The following ZNF511 variants were observed in gnomAD, a reference collection of about 807,000 sequenced individuals.
ZNF511 encodes the protein zinc finger protein 511.
ZNF511 carries 26 observed loss-of-function variants against 24.8 expected under a neutral mutation model. The observed-to-expected ratio is 1.05, with a 90% CI of 0.77 to 1.46. ZNF511 has a LOEUF of 1.46. Among genes scored for constraint, ZNF511 ranks in the 40% most tolerant of loss-of-function variants. The pLI, the probability that ZNF511 is intolerant of heterozygous loss-of-function variation, is 0.00. For missense variants in ZNF511, 358 were observed against 345.0 expected (o/e 1.04, Z -0.30); for synonymous variants, 144 against 139.6 (o/e 1.03, Z -0.22).
rs755769952 is a variant in ZNF511 at position 133,309,375 on chromosome 10, G to C, written c.154-15G>C. Reference sequence around the variant, plus strand: ...CGAGTCACCTGGCCCCGCCCACGGCGCACTTTTCCTGCAGGATGGGGACGT... The same window carrying C: ...CGAGTCACCTGGCCCCGCCCACGGCCCACTTTTCCTGCAGGATGGGGACGT... On this transcript the variant is annotated splice_polypyrimidine_tract_variant and intron_variant, in intron 1 of 5. Coordinates refer to ENST00000361518, the MANE Select transcript of ZNF511 (RefSeq NM_145806.4). The C allele has an allele frequency of 2.7e-5, 43 of 1,609,102 alleles. No individual in the cohort carries two copies. The highest frequency in any genetic ancestry group is 3.6e-5 in the Non-Finnish European group (42 of 1,178,660).
chr10:133,309,493 C>T (rs1392220258), intron 2 of ZNF511, 30 bp downstream of exon 2: 1 of 1,602,334 alleles, frequency 6.2e-7, no homozygotes, highest in East Asian at 2.3e-5. Context: ...CTAGCCAGTG[C>T]TACTCCTGCG....
rs1847915537 is a variant in ZNF511 at position 133,309,053 on chromosome 10, T to G, written c.110T>G (p.Val37Gly). The G allele has an allele frequency of 7.8e-7, 1 of 1,283,194 alleles. No individual in the cohort carries two copies. The highest frequency in any genetic ancestry group is 9.9e-7 in the Non-Finnish European group (1 of 1,009,912). 79.5% of individuals were successfully genotyped at this position (1,283,194 alleles called of 1,614,324 possible). ...PAAGAAPFRFVARPVRFPREH... is the reference protein window; with the variant it reads ...PAAGAAPFRFGARPVRFPREH... ...GCTGGGGCCGCGCCCTTTCGCTTCG[T>G]TGCGCGCCCCGTGCGCTTCCCGCGG... The change falls in exon 1 of 6, where the codon GTT (valine) becomes GGT (glycine). Residue 37 changes from valine (V) to glycine (G), a missense_variant. Val to Gly is a moderately radical substitution (Grantham distance 109). Coordinates refer to ENST00000361518, the MANE Select transcript of ZNF511 (RefSeq NM_145806.4).
chr10:133,312,591 T>C, intron 5 of ZNF511, 197 bp from the exon 6 acceptor site: 1 of 1,468,816 alleles, frequency 6.8e-7, no homozygotes, highest in African/African-American at 1.4e-5. Context: ...TGTGCGTTGG[T>C]GGCTGGCGGG....
Position 133,311,693 on chromosome 10 carries a change from TACTC to T in ZNF511, c.555-19_555-16del. The T allele has an allele frequency of 3.1e-6, 5 of 1,599,564 alleles. No individual in the cohort carries two copies. The highest frequency in any genetic ancestry group is 3.4e-6 in the Non-Finnish European group (4 of 1,168,862). ...GGCTGTGGGAGCCGTGCAGGGCAGT[TACTC>T]ACTGCTCTCTCCCCGCAGCCCAGCC... On this transcript the variant is annotated intron_variant, in intron 4 of 5. Transcript: ENST00000361518.
chr10:133,312,227 C>T lies in ZNF511; in HGVS notation c.680+386C>T, dbSNP rs1025173247. 2.5e-5 allele frequency: 34 copies of T among 1,376,564 alleles called. No homozygotes were observed. The East Asian group carries it at 3.5e-4, about 14-fold the overall frequency. The allele number at this position is 1,376,564 out of a possible 1,614,324, so 85.3% of individuals were successfully genotyped here. A position where few individuals can be genotyped will look rare whatever the true frequency, so the allele number is the denominator to read the frequency against. On this transcript the variant is annotated intron_variant, in intron 5 of 5. Coordinates refer to ENST00000361518, the MANE Select transcript of ZNF511 (RefSeq NM_145806.4). ...TCTGCGTTTCTAGCGTCACCTGTGC[C>T]GTCTGCCTTCCTAGCATGACCTGTG...
rs1302117515 is a variant in ZNF511 at position 133,308,961 on chromosome 10, G to T, written c.18G>T (p.Ala6=). 8.1e-7 allele frequency: 1 copy of T among 1,239,364 alleles called. No individual in the cohort carries two copies. Among genetic ancestry groups the T allele is most frequent in the African/African-American group, 1.6e-5 (1 of 64,132 alleles). 76.8% of individuals were successfully genotyped at this position (1,239,364 alleles called of 1,614,324 possible). MQLPP[A]LCARLAAGPG... ...CCGGGGTGATGCAGTTGCCCCCCGC[G>T]CTGTGCGCCCGCCTCGCTGCGGGGC... The change falls in exon 1 of 6, where the codon GCG becomes GCT. Residue 6 remains alanine (A), a synonymous_variant. Transcript: ENST00000361518.
At chr10:133,310,795 C>G (rs1308201617) in intron 4 of ZNF511, among the ~76,000 whole-genome samples, 1 of 152,096 alleles carries the variant, frequency 6.6e-6, no homozygotes, top group East Asian at 1.9e-4. Flanking sequence ...GGAAATACTT[C>G]CAGGAACAAT....
At chr10:133,310,482 G>C in intron 4 of ZNF511, 194 bp downstream of exon 4, 2 of 688,098 alleles carry the variant, frequency 2.9e-6, no homozygotes, top group South Asian at 3.8e-5. Flanking sequence ...CCGAAGGGAG[G>C]CTGGAGGGGA....
In ZNF511 at chr10:133,310,293, G is replaced by A. The variant is rs1847960759; in HGVS notation, c.554+5G>A. On this transcript the variant is annotated splice_donor_5th_base_variant and intron_variant, in intron 4 of 5. Coordinates refer to ENST00000361518, the MANE Select transcript of ZNF511 (RefSeq NM_145806.4). ...TAAGCCAAAGAAAAGCAGAAGGTAG[G>A]GAGCCGCCAGGCTCAGCACGTGTCT... 6.2e-7 allele frequency: 1 copy of A among 1,613,808 alleles called. No individual in the cohort carries two copies. The highest frequency in any genetic ancestry group is 8.5e-7 in the Non-Finnish European group (1 of 1,180,024).
rs1266184829 is a variant in ZNF511, at chr10:133,310,214, C to G, written c.480C>G (p.Asp160Glu). 1 of 1,614,074 alleles carries G rather than the reference C, an allele frequency of 6.2e-7. No individual in the cohort carries two copies. Residue 160 changes from aspartate (D) to glutamate (E), a missense_variant, in exon 4 of 6, where the codon GAC (aspartate) becomes GAG (glutamate). By Grantham distance (45) the Asp-to-Glu change is conservative. Transcript: ENST00000361518. The part of the protein sequence containing the change: ...GCTEKFKTSR[D>E]RKDHMVRMHL... ...CAGAGAAGTTCAAGACCAGCAGAGACCGGAAGGATCACATGGTGAGGATGC... is the reference window on the plus strand; with the variant it reads ...CAGAGAAGTTCAAGACCAGCAGAGAGCGGAAGGATCACATGGTGAGGATGC...
Position 133,312,935 on chromosome 10 carries a change from G to T in ZNF511, c.*69G>T, listed in dbSNP as rs927989788. On this transcript the variant is annotated 3_prime_UTR_variant, in exon 6 of 6. Transcript: ENST00000361518. ...TGGCATCCGCCTTGGGCCTTTCTCC[G>T]ACCTTCTGGTGTGGCCGCCCTGGGG... 1.2e-6 allele frequency: 2 copies of T among 1,608,526 alleles called. No individual in the cohort carries two copies. The highest frequency in any genetic ancestry group is 2.7e-5 in the African/African-American group (2 of 74,828).
intron 3 of ZNF511, 38 bp from the exon 4 acceptor site, chr10:133,310,126 C>T: frequency 5.0e-6 from 8 of 1,612,580 alleles, no homozygotes; most frequent in Non-Finnish European, 6.8e-6. Context: ...TGGGGGAGGG[C>T]CAGGGGTCAG....
chr10:133,309,553 C>T, intron 2 of ZNF511, 90 bp downstream of exon 2: 2 of 1,441,718 alleles, frequency 1.4e-6, no homozygotes, highest in South Asian at 2.5e-5. Flanking sequence ...GCCGCTCTTC[C>T]ATGTGCGGCC....
At chr10:133,309,668 A>G (rs1847942411) in intron 2 of ZNF511, 108 bp from the exon 3 acceptor site, 5 of 1,389,478 alleles carry the variant, frequency 3.6e-6, no homozygotes, top group Non-Finnish European at 5.1e-6. Flanking sequence ...TGGGATTGCA[A>G]AAGATGCATA....
chr10:133,312,155 T>TA (rs1451948966), intron 5 of ZNF511: 1 of 1,433,546 alleles, frequency 7.0e-7, no homozygotes, highest in Non-Finnish European at 9.1e-7. Flanking sequence ...GCGTCTGCCT[T>TA]AATAGCATCA....
chr10:133,309,086 A>C lies in ZNF511; in HGVS notation c.143A>C (p.Gln48Pro). The C allele has an allele frequency of 7.6e-7, 1 of 1,309,428 alleles. No homozygotes were observed. Among genetic ancestry groups the C allele is most frequent in the Non-Finnish European group, 9.8e-7 (1 of 1,024,214 alleles). 81.1% of individuals were successfully genotyped at this position (1,309,428 alleles called of 1,614,324 possible). ...CCCGTGCGCTTCCCGCGGGAGCACC[A>C]GTTCTTCGAGGTGCGTGAGCAAAAG... Reference protein sequence around the residue: ...ARPVRFPREHQFFEDGDVQRH... With the variant: ...ARPVRFPREHPFFEDGDVQRH... The change falls in exon 1 of 6, where the codon CAG (glutamine) becomes CCG (proline). Residue 48 changes from glutamine to proline, a missense_variant. Transcript: ENST00000361518.
Position 133,312,905 on chromosome 10 carries a change from G to A in ZNF511, c.*39G>A, listed in dbSNP as rs777388763. 1.9e-6 allele frequency: 3 copies of A among 1,613,516 alleles called. No homozygotes were observed. The highest frequency in any genetic ancestry group is 2.5e-6 in the Non-Finnish European group (3 of 1,179,934). ...GGAGTGGGGGGCAGTCACCACTGCTGGGCGTGGCATCCGCCTTGGGCCTTT... is the reference window on the plus strand; with the variant it reads ...GGAGTGGGGGGCAGTCACCACTGCTAGGCGTGGCATCCGCCTTGGGCCTTT... On this transcript the variant is annotated 3_prime_UTR_variant, in exon 6 of 6. Transcript: ENST00000361518.
At chr10:133,312,496 A>C (rs1324063544) in intron 5 of ZNF511, 1 of 1,295,670 alleles carries the variant, frequency 7.7e-7, no homozygotes, top group Non-Finnish European at 9.8e-7. Context: ...AGGGGTTTTC[A>C]TGGAATGGAC....
chr10:133,309,290 C>CGGAGCGCGGGATGACTG, intron 1 of ZNF511, 100 bp from the exon 2 acceptor site: 1 of 1,449,688 alleles, frequency 6.9e-7, no homozygotes, highest in Non-Finnish European at 9.3e-7. Flanking sequence ...GGGGCGGGAC[C>CGGAGCGCGGGATGACTG]GGAGCGCGGG....
Sources: gnomAD v4.1 joint callset for allele counts (sites outside exome capture counted in the v4.1 genomes callset) on GRCh38, gnomAD v4.1.1 for gene constraint, MANE v1.5 for transcripts, NCBI Gene and HGNC (gene_info 2026-07-23, HGNC 2026-07-21) for gene names.